The following KDM4B variants were observed in gnomAD, a reference collection of about 807,000 sequenced individuals.
The protein encoded by KDM4B is lysine-specific demethylase 4B.
In KDM4B, 32 loss-of-function variants were observed where a neutral mutation model predicts 125.2. That is an observed-to-expected ratio of 0.26 (90% CI 0.19 to 0.34). The LOEUF is 0.34. KDM4B is among the 10% of genes least tolerant of loss of function. KDM4B has a pLI of 1.00. For missense variants in KDM4B, 1,190 were observed against 1,577.7 expected, an observed-to-expected ratio of 0.75 and a Z score of 4.16; for synonymous variants, 721 against 677.9, an observed-to-expected ratio of 1.06 and a Z score of -0.99.
chr19:4,993,200 A>G (rs1238641234), intron 1 of KDM4B, among the ~76,000 whole-genome samples: 2 of 152,148 alleles, frequency 1.3e-5, no homozygotes, highest in African/African-American at 4.8e-5. Context: ...ACCTGAGGTC[A>G]GCAGTTTGAG....
chr19:5,059,183 G>A (rs1225238218), intron 6 of KDM4B, among the ~76,000 whole-genome samples: 2 of 152,200 alleles, frequency 1.3e-5, no homozygotes, highest in Admixed American at 6.5e-5. Flanking sequence ...TGCTGCCGGC[G>A]GGGTTCAGCT....
intron 11 of KDM4B, among the ~76,000 whole-genome samples, chr19:5,128,788 C>T (rs1274796962): frequency 1.4e-5 from 2 of 141,522 alleles, no homozygotes; most frequent in African/African-American, 5.2e-5. Flanking sequence ...GCCAGCCTGT[C>T]TGCTGTGTCC....
At chr19:5,022,245 T>C (rs1254199583) in intron 2 of KDM4B, among the ~76,000 whole-genome samples, 1 of 152,156 alleles carries the variant, frequency 6.6e-6, no homozygotes, top group Non-Finnish European at 1.5e-5. Context: ...AGTGTGGCCC[T>C]GGTCCCTCAT....
In KDM4B at chr19:5,100,405, T is replaced by TTTG. The variant is rs141464434; in HGVS notation, c.919-10194_919-10192dup. Among the ~76,000 whole-genome samples, 603 of 152,166 alleles carry TTTG rather than the reference T, an allele frequency of 4.0e-3. 5 individuals carry two copies. Among genetic ancestry groups the TTTG allele is most frequent in the African/African-American group, 0.012 (500 of 41,498 alleles). The stretch of plus-strand genomic sequence containing the variant: ...CGTTTTCTACGTTGTCTTTTTTGTT[T>TTTG]TTGTTGTTGTTGTTGTTGTTGTTGT... On this transcript the variant is annotated intron_variant, in intron 9 of 22. Transcript: ENST00000159111.
chr19:5,002,377 T>G (rs2035413891), intron 1 of KDM4B, among the ~76,000 whole-genome samples: 1 of 151,936 alleles, frequency 6.6e-6, no homozygotes, highest in African/African-American at 2.4e-5. Context: ...GCAGAGTGTT[T>G]TTTTTTCTTT....
chr19:5,118,661 G>A (rs1347218228), intron 10 of KDM4B, among the ~76,000 whole-genome samples: 1 of 152,224 alleles, frequency 6.6e-6, no homozygotes, highest in Non-Finnish European at 1.5e-5. Flanking sequence ...GGGGAACCTG[G>A]TGTGAGGCCC....
rs566382058 is a variant in KDM4B, at chr19:5,115,113, C to T, written c.1115+4295C>T. On this transcript the variant is annotated intron_variant, in intron 10 of 22. Coordinates refer to ENST00000159111, the MANE Select transcript of KDM4B (RefSeq NM_015015.3). The surrounding 1 kb of genome is among the most constrained non-coding windows in gnomAD (Gnocchi z 4.2). Reference sequence around the variant, plus strand: ...AGGGTGGGCAGGAGACCCCATGGGCCGGCAACCAGGAGGACAGCCAGCAGG... The same window carrying T: ...AGGGTGGGCAGGAGACCCCATGGGCTGGCAACCAGGAGGACAGCCAGCAGG... 6.6e-6 allele frequency among the ~76,000 whole-genome samples: 1 copy of T among 152,148 alleles called. No homozygotes were observed. The highest frequency in any genetic ancestry group is 3.2e-3 in the Middle Eastern group (1 of 316).
intron 10 of KDM4B, chr19:5,112,688 CT>C (rs2039173346): frequency 6.6e-6 from 1 of 152,384 alleles, no homozygotes; most frequent in Non-Finnish European, 1.5e-5. Flanking sequence ...CCTCCTCTGT[CT>C]TCCCCACCTC....
At chr19:5,058,225 G>T (rs1288372582) in intron 6 of KDM4B, among the ~76,000 whole-genome samples, 1 of 152,162 alleles carries the variant, frequency 6.6e-6, no homozygotes, top group Non-Finnish European at 1.5e-5. Flanking sequence ...AGATGGATCT[G>T]CCCAAGCCCT....
intron 3 of KDM4B, among the ~76,000 whole-genome samples, chr19:5,036,699 C>T (rs2036637795): frequency 6.6e-6 from 1 of 152,252 alleles, no homozygotes; most frequent in African/African-American, 2.4e-5. Context: ...CAGGGGCCGC[C>T]GGAGGCCTGG....
chr19:5,070,935 G>A, intron 6 of KDM4B, 75 bp from the exon 7 acceptor site: 3 of 1,510,034 alleles, frequency 2.0e-6, no homozygotes, highest in Non-Finnish European at 2.8e-6. Flanking sequence ...TCTCCCCAAG[G>A]CTGGTCCCAC....
At chr19:5,071,518 T>C (rs57063808) in intron 7 of KDM4B, among the ~76,000 whole-genome samples, 32,523 of 152,254 alleles carry the variant, frequency 0.21, 4,523 homozygotes, top group East Asian at 0.65. Flanking sequence ...TTTGCCCTTG[T>C]TCTGCTGGGA....
At chr19:5,102,124 C>T (rs1315069688) in intron 9 of KDM4B, among the ~76,000 whole-genome samples, 1 of 152,178 alleles carries the variant, frequency 6.6e-6, no homozygotes, top group African/African-American at 2.4e-5. Context: ...TGCCCGCCAC[C>T]ACCATCCGTG....
rs2034367647 is a variant in KDM4B, at chr19:4,974,324, C to A, written c.-109+5094C>A. ...GGCTGAGGCAGGAGAATGGTGTGAA[C>A]CCGAGAGGCGGAGCTTGCAGTGAGT... On this transcript the variant is annotated intron_variant, in intron 1 of 22. Coordinates refer to ENST00000159111, the MANE Select transcript of KDM4B (RefSeq NM_015015.3). Among the ~76,000 whole-genome samples the A allele has an allele frequency of 4.0e-5, 6 of 151,146 alleles. No homozygotes were observed. The South Asian group carries it at 1.2e-3, about 31-fold the overall frequency.
chr19:5,026,900 A>G (rs551784457), intron 2 of KDM4B, among the ~76,000 whole-genome samples: 1 of 152,252 alleles, frequency 6.6e-6, no homozygotes, highest in Admixed American at 6.5e-5. Context: ...AGCATTAGCT[A>G]TTGTCTAGAA....
intron 6 of KDM4B, among the ~76,000 whole-genome samples, chr19:5,056,134 T>G (rs2037388475): frequency 6.6e-6 from 1 of 151,034 alleles, no homozygotes; most frequent in African/African-American, 2.4e-5. Context: ...CTAATCTGTA[T>G]GTCCCCTAAT....
intron 6 of KDM4B, among the ~76,000 whole-genome samples, chr19:5,051,555 A>G (rs1167213656): frequency 6.6e-6 from 1 of 152,226 alleles, no homozygotes; most frequent in Non-Finnish European, 1.5e-5. Context: ...CTGATGGGAC[A>G]TGGTCAGCTG....
At chr19:5,001,732 G>A (rs1407359556) in intron 1 of KDM4B, among the ~76,000 whole-genome samples, 2 of 152,238 alleles carry the variant, frequency 1.3e-5, no homozygotes, top group African/African-American at 4.8e-5. Flanking sequence ...CCAGCAGGGT[G>A]TGCTGTTTCA....
intron 1 of KDM4B, among the ~76,000 whole-genome samples, chr19:4,976,813 G>T (rs1347467120): frequency 6.6e-6 from 1 of 152,200 alleles, no homozygotes; most frequent in African/African-American, 2.4e-5. Context: ...CACTTCCTTT[G>T]TCTCACTCTT....
Sources: allele counts gnomAD v4.1 joint callset (sites outside exome capture counted in the v4.1 genomes callset), GRCh38; gene constraint gnomAD v4.1.1; non-coding constraint Gnocchi (gnomAD v3.1); transcripts MANE v1.5; gene names NCBI Gene and HGNC (gene_info 2026-07-23, HGNC 2026-07-21).